TP63: variants seen among roughly 807,000 people sequenced by gnomAD.
TP63 encodes the protein tumor protein p63, also known as tumor protein 63.
A neutral mutation model predicts 82.8 loss-of-function variants in TP63; 17 were observed. The ratio of observed to expected loss-of-function variants is 0.21; its 90% confidence interval spans 0.14 to 0.31. The LOEUF is 0.31. Ranked by LOEUF, TP63 falls within the 10% of genes least tolerant of loss-of-function variation. The pLI, the probability that TP63 is intolerant of heterozygous loss-of-function variation, is 1.00. For missense variants in TP63, 648 were observed against 895.3 expected (o/e 0.72, Z 3.52); for synonymous variants, 330 against 321.7 (o/e 1.03, Z -0.28).
In TP63 at chr3:189,673,696, C is replaced by T. The variant is rs533589557; in HGVS notation, c.62+42119C>T. On this transcript the variant is annotated intron_variant, in intron 1 of 13. Transcript: ENST00000264731. The stretch of plus-strand genomic sequence containing the variant: ...TGAGATAAATTTAAGCACATATTTT[C>T]GTTTCTGTTATACCTTGTGTAGAGG... Among the ~76,000 whole-genome samples, 22 of 152,172 alleles carry T rather than the reference C, an allele frequency of 1.4e-4. 1 individual carries two copies. The South Asian group carries it at 4.1e-3, about 29-fold the overall frequency.
chr3:189,660,154 A>G (rs530758303), intron 1 of TP63, among the ~76,000 whole-genome samples: 4 of 152,116 alleles, frequency 2.6e-5, no homozygotes, highest in African/African-American at 9.6e-5. Flanking sequence ...AGATGTATCT[A>G]AGTTTTCTTC....
rs9828137 is a variant in TP63, at chr3:189,697,231, C to G, written c.63-40509C>G. Among the ~76,000 whole-genome samples the G allele has an allele frequency of 4.3e-4, 54 of 126,170 alleles. 1 individual carries two copies. The highest frequency in any genetic ancestry group is 1.7e-3 in the African/African-American group (46 of 26,822). 82.8% of individuals were successfully genotyped at this position (126,170 alleles called of 152,430 possible). On this transcript the variant is annotated intron_variant, in intron 1 of 13. Transcript: ENST00000264731. ...AAGATGTAAGGTGTATGTCTAGGTT[C>G]AGTTTTTTTTTTTTTTTTGCATATG...
At chr3:189,603,629 C>T in the TP63 span, among the ~76,000 whole-genome samples, 1 of 116,248 alleles carries the variant, frequency 8.6e-6, no homozygotes, top group Admixed American at 1.1e-4. Context: ...TTTATTCTAT[C>T]TCAGTGGTTT....
At chr3:189,836,006 GA>G (rs1713103071) in intron 4 of TP63, among the ~76,000 whole-genome samples, 1 of 151,492 alleles carries the variant, frequency 6.6e-6, no homozygotes, top group African/African-American at 2.4e-5. Flanking sequence ...TCACGCGTCA[GA>G]CTTCCTATCA....
intron 3 of TP63, among the ~76,000 whole-genome samples, chr3:189,798,252 A>G (rs1009679784): frequency 6.6e-6 from 1 of 152,118 alleles, no homozygotes; most frequent in Non-Finnish European, 1.5e-5. Flanking sequence ...CCGACATATT[A>G]TACAAGCCTC....
the TP63 span, among the ~76,000 whole-genome samples, chr3:189,612,243 T>G: frequency 2.7e-5 from 4 of 148,898 alleles, no homozygotes; most frequent in Admixed American, 2.8e-4. Flanking sequence ...TTGAGTTGTA[T>G]CTCTCAGAAT....
chr3:189,867,716 AG>A, intron 6 of TP63, 116 bp from the exon 7 acceptor site: 2 of 955,188 alleles, frequency 2.1e-6, no homozygotes, highest in Non-Finnish European at 3.3e-6. Flanking sequence ...TTGCCCTTTT[AG>A]GAGGAAGCGT....
intron 5 of TP63, among the ~76,000 whole-genome samples, chr3:189,865,333 C>G (rs560693829): frequency 6.6e-6 from 1 of 152,152 alleles, no homozygotes; most frequent in Non-Finnish European, 1.5e-5. Flanking sequence ...CACCTTTAGA[C>G]GCTATATCCA....
At chr3:189,809,597 T>C (rs551468170) in intron 4 of TP63, among the ~76,000 whole-genome samples, 1 of 152,348 alleles carries the variant, frequency 6.6e-6, no homozygotes, top group Admixed American at 6.5e-5. Flanking sequence ...TATCATCATC[T>C]TAATAAAAAG....
intron 1 of TP63, among the ~76,000 whole-genome samples, chr3:189,731,081 G>C (rs1000412478): frequency 6.6e-6 from 1 of 152,154 alleles, no homozygotes; most frequent in African/African-American, 2.4e-5. Flanking sequence ...TCTGGCTCAC[G>C]CCTGTAATCC....
chr3:189,613,983 G>A, the TP63 span, among the ~76,000 whole-genome samples: 9 of 152,204 alleles, frequency 5.9e-5, no homozygotes, highest in Non-Finnish European at 1.0e-4. Context: ...GAAGGGGCTT[G>A]CCTTGTCTCA....
chr3:189,781,575 C>T (rs540600742), intron 3 of TP63, among the ~76,000 whole-genome samples: 7 of 150,706 alleles, frequency 4.6e-5, no homozygotes, highest in Non-Finnish European at 1.0e-4. Context: ...AAAGTAAATA[C>T]ACCTCCTTTC....
At chr3:189,614,927 A>G in the TP63 span, among the ~76,000 whole-genome samples, 1 of 152,208 alleles carries the variant, frequency 6.6e-6, no homozygotes, top group Non-Finnish European at 1.5e-5. Context: ...CCACTCAAGG[A>G]CAGACAATGG....
At chr3:189,736,004 T>G (rs1441824378) in intron 1 of TP63, among the ~76,000 whole-genome samples, 1 of 151,870 alleles carries the variant, frequency 6.6e-6, no homozygotes, top group Non-Finnish European at 1.5e-5. Flanking sequence ...ACATGGGATC[T>G]CTCTGTATTA....
Position 189,826,975 on chromosome 3 carries a change from G to C in TP63, c.579+18449G>C, listed in dbSNP as rs375165720. Among the ~76,000 whole-genome samples the C allele has an allele frequency of 3.3e-5, 5 of 152,292 alleles. No individual in the cohort carries two copies. In the East Asian group the frequency reaches 7.7e-4, roughly 24 times the overall value. On this transcript the variant is annotated intron_variant, in intron 4 of 13. Transcript: ENST00000264731. ...GCTGGGTTGACTAGGCAAGTGACCT[G>C]ATGCTTCTGAGACTCAATTTTCTCT...
rs575709492 is a variant in TP63, at chr3:189,893,124, A to G, written c.1747-1082A>G. On this transcript the variant is annotated intron_variant, in intron 13 of 13. Coordinates refer to ENST00000264731, the MANE Select transcript of TP63 (RefSeq NM_003722.5). ...TGGGGAACTTCATTAGTATCCCCAT[A>G]ACATGCAAAAATGAGGTAACAATAC... 2.6e-5 allele frequency among the ~76,000 whole-genome samples: 4 copies of G among 152,294 alleles called. No homozygotes were observed. The South Asian group carries it at 8.3e-4, about 32-fold the overall frequency.
At chr3:189,861,935 A>T (rs1717096419) in intron 4 of TP63, among the ~76,000 whole-genome samples, 1 of 152,218 alleles carries the variant, frequency 6.6e-6, no homozygotes, top group Non-Finnish European at 1.5e-5. Context: ...CAAGTCAATT[A>T]TCTGTTATCT....
chr3:189,797,277 C>T (rs376820200), intron 3 of TP63, among the ~76,000 whole-genome samples: 1 of 152,064 alleles, frequency 6.6e-6, no homozygotes, highest in Non-Finnish European at 1.5e-5. Context: ...AGAAATAGTT[C>T]TACTTTCTTA....
intron 9 of TP63, among the ~76,000 whole-genome samples, chr3:189,870,600 G>T (rs574368135): frequency 1.3e-5 from 2 of 152,192 alleles, no homozygotes; most frequent in African/African-American, 4.8e-5. Flanking sequence ...TATGTAAATG[G>T]CCAGAAGTCT....
Sources: gnomAD v4.1 joint callset for allele counts (sites outside exome capture counted in the v4.1 genomes callset) on GRCh38, gnomAD v4.1.1 for gene constraint, MANE v1.5 for transcripts, NCBI Gene and HGNC (gene_info 2026-07-23, HGNC 2026-07-21) for gene names.